The following TECRL variants were observed in gnomAD, a reference collection of about 807,000 sequenced individuals.
TECRL encodes trans-2,3-enoyl-CoA reductase-like.
Under a neutral mutation model 52.8 loss-of-function variants are expected in TECRL, and 63 were observed. That is an observed-to-expected ratio of 1.19 (90% CI 0.97 to 1.47). The LOEUF (loss-of-function observed/expected upper bound fraction) is 1.47. Among genes scored for constraint, TECRL ranks in the 40% most tolerant of loss-of-function variants. TECRL has a pLI of 0.00. For synonymous variants in TECRL, 164 were observed against 141.9 expected (o/e 1.16, Z -1.10); for missense variants, 482 against 429.6 (o/e 1.12, Z -1.08).
chr4:64,409,000 A>T, intron 1 of TECRL, 118 bp downstream of exon 1: 1 of 952,558 alleles, frequency 1.0e-6, no homozygotes, highest in Non-Finnish European at 1.5e-6. Flanking sequence ...AATTAAGGTA[A>T]AAGTCAGAAA....
At chr4:64,377,343 AAG>A (rs1252217700) in intron 1 of TECRL, among the ~76,000 whole-genome samples, 2 of 151,994 alleles carry the variant, frequency 1.3e-5, no homozygotes, top group Non-Finnish European at 2.9e-5. Flanking sequence ...TGAAAGCACA[AAG>A]AGAGGAAAAT....
chr4:64,346,271 A>T (rs985264984), intron 2 of TECRL, among the ~76,000 whole-genome samples: 1 of 152,182 alleles, frequency 6.6e-6, no homozygotes, highest in Admixed American at 6.5e-5. Flanking sequence ...GATCTGGAGG[A>T]TGGTGGCTGT....
intron 5 of TECRL, among the ~76,000 whole-genome samples, chr4:64,311,578 C>A (rs1717002950): frequency 6.6e-6 from 1 of 152,096 alleles, no homozygotes; most frequent in Non-Finnish European, 1.5e-5. Context: ...TTGGTTCAAG[C>A]TATGATTTCT....
intron 2 of TECRL, among the ~76,000 whole-genome samples, chr4:64,339,836 T>C (rs1719424965): frequency 6.6e-6 from 1 of 152,196 alleles, no homozygotes; most frequent in African/African-American, 2.4e-5. Context: ...TTCCTTGATT[T>C]TCCAAGAATT....
intron 1 of TECRL, among the ~76,000 whole-genome samples, chr4:64,394,591 A>G (rs974011807): frequency 6.6e-6 from 1 of 152,196 alleles, no homozygotes; most frequent in Non-Finnish European, 1.5e-5. Flanking sequence ...CAAAGTGGAT[A>G]TTAACAAGGT....
chr4:64,349,932 T>C (rs144054029), intron 2 of TECRL, among the ~76,000 whole-genome samples: 149 of 152,342 alleles, frequency 9.8e-4, no homozygotes, highest in African/African-American at 3.4e-3. Flanking sequence ...TTCTCAATTA[T>C]ATTTTTTCAG....
rs978039030 is a variant in TECRL at position 64,279,648 on chromosome 4, T to C, written c.*424A>G. The C allele has an allele frequency of 2.6e-6, 1 of 378,288 alleles. No individual in the cohort carries two copies. Among genetic ancestry groups the C allele is most frequent in the Non-Finnish European group, 3.6e-6 (1 of 275,110 alleles). The allele number at this position is 378,288 out of a possible 1,614,324, so 23.4% of individuals were successfully genotyped here. ...TCATTGTGGTTTTGATTTGCATTTC[T>C]GTATGAATAGTTAATGTTGAGCATT... On this transcript the variant is annotated 3_prime_UTR_variant, in exon 12 of 12. Transcript: ENST00000381210.
In TECRL at chr4:64,327,065, T is replaced by A. The variant is rs1321536485; in HGVS notation, c.331+1447A>T. On this transcript the variant is annotated intron_variant, in intron 3 of 11. Coordinates refer to ENST00000381210, the MANE Select transcript of TECRL (RefSeq NM_001010874.5). ...TTTAAAAATGATTTAAGTGGTTTTT[T>A]TAGTTCTGCCATATAAAAGAAGACC... 2.0e-5 allele frequency among the ~76,000 whole-genome samples: 3 copies of A among 152,076 alleles called. No individual in the cohort carries two copies. In the South Asian group the frequency reaches 6.2e-4, roughly 31 times the overall value.
chr4:64,338,775 A>C (rs1213298650), intron 2 of TECRL, among the ~76,000 whole-genome samples: 2 of 152,220 alleles, frequency 1.3e-5, no homozygotes, highest in Non-Finnish European at 2.9e-5. Context: ...TTAAAAAGTC[A>C]GGAAACAACA....
rs1724588797 is a variant in TECRL at position 64,404,642 on chromosome 4, A to G, written c.234+4476T>C. ...TTCCCATCTGCTTTATGAAAATCTT[A>G]TTAAAATTGTCATCAGAACATGACT... On this transcript the variant is annotated intron_variant, in intron 1 of 11. Transcript: ENST00000381210. Among the ~76,000 whole-genome samples the G allele has an allele frequency of 2.0e-5, 3 of 152,180 alleles. No individual in the cohort carries two copies. The South Asian group carries it at 6.2e-4, about 32-fold the overall frequency.
intron 2 of TECRL, among the ~76,000 whole-genome samples, chr4:64,341,471 A>G (rs761015216): frequency 6.6e-6 from 1 of 152,080 alleles, no homozygotes; most frequent in Non-Finnish European, 1.5e-5. Flanking sequence ...GTGGTGGCAC[A>G]TTCCTGTAAT....
intron 5 of TECRL, 32 bp downstream of exon 5, chr4:64,314,590 GGTGTGTGTGTGTGTGTGTGTGTGTGT>G (rs5858876): frequency 9.4e-6 from 7 of 745,940 alleles, no homozygotes; most frequent in Admixed American, 6.9e-5. Context: ...TAACGTGTAT[GGTGTGTGTGTGTGTGTGTGTGTGTGT>G]GTGTGTGTGT....
intron 5 of TECRL, among the ~76,000 whole-genome samples, chr4:64,314,081 C>T (rs968217529): frequency 4.6e-5 from 7 of 150,628 alleles, no homozygotes; most frequent in African/African-American, 1.5e-4. Flanking sequence ...ACCCGGGAGG[C>T]GGAGCGTGCA....
chr4:64,319,428 C>T (rs1192252547), intron 4 of TECRL, among the ~76,000 whole-genome samples: 3 of 151,742 alleles, frequency 2.0e-5, no homozygotes, highest in African/African-American at 7.2e-5. Context: ...AAAGCATAAT[C>T]TTTAAAAGAA....
intron 8 of TECRL, among the ~76,000 whole-genome samples, chr4:64,290,653 G>T (rs1723328933): frequency 6.6e-6 from 1 of 151,824 alleles, no homozygotes; most frequent in African/African-American, 2.4e-5. Flanking sequence ...TATAATAATA[G>T]TTCTATGGAC....
At chr4:64,304,031 A>T (rs150820540) in intron 7 of TECRL, among the ~76,000 whole-genome samples, 1 of 151,834 alleles carries the variant, frequency 6.6e-6, no homozygotes, top group African/African-American at 2.4e-5. Context: ...AATTAAAAAT[A>T]AATAGCATAT....
At chr4:64,327,771 C>T (rs766635713) in intron 3 of TECRL, among the ~76,000 whole-genome samples, 20 of 151,542 alleles carry the variant, frequency 1.3e-4, no homozygotes, top group Admixed American at 2.6e-4. Flanking sequence ...CATGTAATAC[C>T]TAAGAGAGGG....
intron 2 of TECRL, among the ~76,000 whole-genome samples, chr4:64,368,439 G>A (rs1721758934): frequency 2.4e-5 from 2 of 84,112 alleles, no homozygotes; most frequent in African/African-American, 6.2e-5. Flanking sequence ...GGGATTACAG[G>A]CGCACGCCAC....
intron 6 of TECRL, 141 bp from the exon 7 acceptor site, chr4:64,305,379 T>TA (rs1724270248): frequency 6.0e-6 from 4 of 670,306 alleles, no homozygotes; most frequent in Non-Finnish European, 1.0e-5. Context: ...CATTTATATG[T>TA]AAAATGGTAC....
Sources: allele counts gnomAD v4.1 joint callset (sites outside exome capture counted in the v4.1 genomes callset), GRCh38; gene constraint gnomAD v4.1.1; transcripts MANE v1.5; gene names NCBI Gene and HGNC (gene_info 2026-07-23, HGNC 2026-07-21).